Variants in LPGAT1 observed in about 807,000 individuals in gnomAD.
LPGAT1 encodes the protein lysophosphatidylglycerol acyltransferase 1.
Under a neutral mutation model 47.5 loss-of-function variants are expected in LPGAT1, and 11 were observed. That is an observed-to-expected ratio of 0.23 (90% CI 0.15 to 0.38). The LOEUF (loss-of-function observed/expected upper bound fraction) is 0.38, where lower values mean the gene tolerates loss of function less well. LPGAT1 is among the 10% of genes least tolerant of loss of function. LPGAT1 has a pLI of 1.00. For synonymous variants in LPGAT1, 138 were observed against 144.2 expected (o/e 0.96, Z 0.31); for missense variants, 293 against 439.0 (o/e 0.67, Z 2.97).
intron 4 of LPGAT1, among the ~76,000 whole-genome samples, chr1:211,785,923 G>A (rs1476992988): frequency 6.6e-6 from 1 of 151,984 alleles, no homozygotes; most frequent in Non-Finnish European, 1.5e-5. Context: ...CTTGATGCCT[G>A]ATGATCATCA....
At chr1:211,823,506 A>G (rs1660433125) in intron 2 of LPGAT1, among the ~76,000 whole-genome samples, 1 of 152,128 alleles carries the variant, frequency 6.6e-6, no homozygotes, top group South Asian at 2.1e-4. Context: ...GTACCCCTGT[A>G]TATTTTCATT....
chr1:211,757,254 CA>C (rs201385915), intron 6 of LPGAT1, among the ~76,000 whole-genome samples: 298 of 134,974 alleles, frequency 2.2e-3, no homozygotes, highest in Non-Finnish European at 2.0e-3. Flanking sequence ...AATTCTGTCT[CA>C]AAAAAAAAAA....
chr1:211,820,189 C>G (rs973060480), intron 2 of LPGAT1, among the ~76,000 whole-genome samples: 5 of 151,996 alleles, frequency 3.3e-5, no homozygotes, highest in African/African-American at 1.2e-4. Flanking sequence ...AAAAGACTAC[C>G]TCTGAGGCAG....
intron 6 of LPGAT1, among the ~76,000 whole-genome samples, chr1:211,767,456 T>C (rs1223422591): frequency 6.6e-6 from 1 of 152,186 alleles, no homozygotes; most frequent in East Asian, 1.9e-4. Flanking sequence ...TATTAGTTTT[T>C]TTTGAAGCAA....
intron 2 of LPGAT1, among the ~76,000 whole-genome samples, chr1:211,812,727 A>T (rs12129315): frequency 0.084 from 12,713 of 152,230 alleles, 658 homozygotes; most frequent in Admixed American, 0.15. Flanking sequence ...TGTGTAACAG[A>T]GATACACAGA....
intron 6 of LPGAT1, among the ~76,000 whole-genome samples, chr1:211,757,904 T>C (rs1013104587): frequency 2.0e-5 from 3 of 152,208 alleles, no homozygotes; most frequent in South Asian, 2.1e-4. Flanking sequence ...AAAATTCCTA[T>C]GGTGGGAAAG....
intron 2 of LPGAT1, among the ~76,000 whole-genome samples, chr1:211,828,835 T>C (rs1036876328): frequency 1.3e-5 from 2 of 152,310 alleles, no homozygotes; most frequent in South Asian, 4.1e-4. Context: ...TCAATCACAA[T>C]AAAAACACTA....
intron 2 of LPGAT1, among the ~76,000 whole-genome samples, chr1:211,795,523 AC>A (rs1197301608): frequency 1.3e-5 from 2 of 152,110 alleles, no homozygotes; most frequent in Non-Finnish European, 2.9e-5. Flanking sequence ...ATGCGCCACC[AC>A]GCCCGGCTAA....
intron 3 of LPGAT1, among the ~76,000 whole-genome samples, chr1:211,790,934 G>GT (rs1403715977): frequency 6.6e-6 from 1 of 152,162 alleles, no homozygotes; most frequent in Non-Finnish European, 1.5e-5. Context: ...GATCCTATCT[G>GT]TAAGAGTTAC....
In LPGAT1 at chr1:211,745,483, A is replaced by C. The variant is rs1656906445; in HGVS notation, c.*4416T>G. On this transcript the variant is annotated 3_prime_UTR_variant, in exon 8 of 8. Coordinates refer to ENST00000366997, the MANE Select transcript of LPGAT1 (RefSeq NM_014873.3). Reference sequence around the variant, plus strand: ...CAACAGTTTTACACAATAAAAATAAAGCCATTCAAGATATGTGTGCATACT... The same window carrying C: ...CAACAGTTTTACACAATAAAAATAACGCCATTCAAGATATGTGTGCATACT... 1 of 152,232 alleles carries C rather than the reference A, an allele frequency of 6.6e-6. No homozygotes were observed. Among genetic ancestry groups the C allele is most frequent in the African/African-American group, 2.4e-5 (1 of 41,466 alleles). 9.4% of individuals were successfully genotyped at this position (152,232 alleles called of 1,614,324 possible).
In LPGAT1 at chr1:211,747,866, T is replaced by C. The variant is rs543097030; in HGVS notation, c.*2033A>G. 2.6e-5 allele frequency: 4 copies of C among 152,568 alleles called. No individual in the cohort carries two copies. Among genetic ancestry groups the C allele is most frequent in the Admixed American group, 2.6e-4 (4 of 15,278 alleles). The allele number at this position is 152,568 out of a possible 1,614,324, so 9.5% of individuals were successfully genotyped here. On this transcript the variant is annotated 3_prime_UTR_variant, in exon 8 of 8. Transcript: ENST00000366997. Reference sequence around the variant, plus strand: ...TGAAATGCTTAGATTTAAAAAAAAATTGCATTTTATAACAACCAGTCCCCA... The same window carrying C: ...TGAAATGCTTAGATTTAAAAAAAAACTGCATTTTATAACAACCAGTCCCCA...
At chr1:211,825,195 T>A (rs1205108512) in intron 2 of LPGAT1, among the ~76,000 whole-genome samples, 1 of 133,072 alleles carries the variant, frequency 7.5e-6, no homozygotes, top group Non-Finnish European at 1.6e-5. Flanking sequence ...CTTCTTTTTT[T>A]TTTTTTTTTT....
At chr1:211,779,158 A>T (rs1658532026) in intron 5 of LPGAT1, 114 bp from the exon 6 acceptor site, 1 of 739,554 alleles carries the variant, frequency 1.4e-6, no homozygotes, top group Admixed American at 3.2e-5. Flanking sequence ...TTGCATTAAG[A>T]AAAATTCTAA....
intron 5 of LPGAT1, among the ~76,000 whole-genome samples, chr1:211,780,114 T>C (rs1048677631): frequency 1.3e-5 from 2 of 151,610 alleles, no homozygotes; most frequent in South Asian, 2.1e-4. Context: ...GAGGTGGAGG[T>C]TGTAGTGAGC....
At chr1:211,824,967 C>T (rs541287846) in intron 2 of LPGAT1, among the ~76,000 whole-genome samples, 25 of 152,148 alleles carry the variant, frequency 1.6e-4, no homozygotes, top group South Asian at 2.1e-4. Flanking sequence ...GGTAACTAAA[C>T]GTAATCTCCA....
intron 6 of LPGAT1, among the ~76,000 whole-genome samples, chr1:211,751,921 T>G (rs559469461): frequency 6.6e-6 from 1 of 152,182 alleles, no homozygotes; most frequent in African/African-American, 2.4e-5. Context: ...TTTATCACCA[T>G]GTTTCTTCTG....
At chr1:211,814,125 T>C (rs1014573603) in intron 2 of LPGAT1, among the ~76,000 whole-genome samples, 1 of 152,224 alleles carries the variant, frequency 6.6e-6, no homozygotes, top group Non-Finnish European at 1.5e-5. Context: ...CAGCCACATA[T>C]ATTTGAAAAA....
At chr1:211,815,652 A>C (rs920052170) in intron 2 of LPGAT1, among the ~76,000 whole-genome samples, 21 of 152,168 alleles carry the variant, frequency 1.4e-4, no homozygotes, top group African/African-American at 4.6e-4. Flanking sequence ...TATGCACTAC[A>C]AAGCTTTAAA....
chr1:211,776,464 G>C (rs12117000), intron 6 of LPGAT1, among the ~76,000 whole-genome samples: 1 of 152,030 alleles, frequency 6.6e-6, no homozygotes, highest in Non-Finnish European at 1.5e-5. Flanking sequence ...TTGAACCCAG[G>C]AGGTGGAGGT....
Sources: gnomAD v4.1 joint callset for allele counts (sites outside exome capture counted in the v4.1 genomes callset) on GRCh38, gnomAD v4.1.1 for gene constraint, MANE v1.5 for transcripts, NCBI Gene and HGNC (gene_info 2026-07-23, HGNC 2026-07-21) for gene names.